The following ING3 variants were observed in gnomAD, a reference collection of about 807,000 sequenced individuals.
ING3 encodes the protein inhibitor of growth family member 3.
A neutral mutation model predicts 64.8 loss-of-function variants in ING3; 6 were observed. The observed-to-expected ratio is 0.09, with a 90% CI of 0.05 to 0.18. The LOEUF is 0.18. Ranked by LOEUF, ING3 falls within the 10% of genes least tolerant of loss-of-function variation. The pLI is 1.00. For synonymous variants in ING3, 170 were observed against 173.7 expected, an observed-to-expected ratio of 0.98 and a Z score of 0.17; for missense variants, 310 against 489.7, an observed-to-expected ratio of 0.63 and a Z score of 3.46.
At position 120,951,149 on chromosome 7, in the gene ING3, CT is replaced by C; in HGVS notation, c.29-14del. 1 of 1,613,896 alleles carries C rather than the reference CT, an allele frequency of 6.2e-7. No homozygotes were observed. The highest frequency in any genetic ancestry group is 8.5e-7 in the Non-Finnish European group (1 of 1,179,824). ...CCGTTGGCCCCGCCCCTCTGACGGACTCTCCCTTTGACAGTGATTGAGCAGC... is the reference window on the plus strand; with the variant it reads ...CCGTTGGCCCCGCCCCTCTGACGGACCTCCCTTTGACAGTGATTGAGCAGC... On this transcript the variant is annotated splice_polypyrimidine_tract_variant and intron_variant, in intron 1 of 11. Transcript: ENST00000315870.
chr7:120,957,384 AAAAG>A (rs1795865593), intron 4 of ING3, among the ~76,000 whole-genome samples: 2 of 152,256 alleles, frequency 1.3e-5, no homozygotes, highest in East Asian at 3.9e-4. Flanking sequence ...AAAAAAAAAA[AAAAG>A]TAATACTAGA....
intron 4 of ING3, among the ~76,000 whole-genome samples, chr7:120,963,544 C>G (rs1795960773): frequency 6.6e-6 from 1 of 152,056 alleles, no homozygotes; most frequent in Admixed American, 6.6e-5. Flanking sequence ...AATTTGGTTT[C>G]TGTAATGCAT....
intron 4 of ING3, among the ~76,000 whole-genome samples, chr7:120,962,667 A>G (rs1323110612): frequency 6.6e-6 from 1 of 152,006 alleles, no homozygotes; most frequent in Admixed American, 6.6e-5. Context: ...ACGCTACATC[A>G]TACTTTGTTT....
intron 4 of ING3, among the ~76,000 whole-genome samples, chr7:120,964,046 T>C (rs1277132307): frequency 6.6e-6 from 1 of 152,126 alleles, no homozygotes; most frequent in Non-Finnish European, 1.5e-5. Flanking sequence ...TAGTTTGAAG[T>C]GTCATATAAT....
At chr7:120,967,429 C>G in intron 6 of ING3, 100 bp from the exon 7 acceptor site, 1 of 795,380 alleles carries the variant, frequency 1.3e-6, no homozygotes, top group Non-Finnish European at 1.9e-6. Flanking sequence ...TATGAGGAAC[C>G]CAGATCATAC....
intron 4 of ING3, among the ~76,000 whole-genome samples, chr7:120,958,393 A>G (rs1281801411): frequency 3.9e-5 from 6 of 152,130 alleles, no homozygotes; most frequent in Non-Finnish European, 8.8e-5. Flanking sequence ...TCAGATTGAA[A>G]AACTGGTACC....
intron 3 of ING3, 52 bp from the exon 4 acceptor site, chr7:120,955,507 G>A: frequency 8.3e-7 from 1 of 1,204,622 alleles, no homozygotes; most frequent in Non-Finnish European, 1.2e-6. Flanking sequence ...TCCTGCATAT[G>A]AATATTTTAA....
chr7:120,951,726 T>G (rs544407893), intron 2 of ING3, among the ~76,000 whole-genome samples: 1 of 152,354 alleles, frequency 6.6e-6, no homozygotes, highest in East Asian at 1.9e-4. Flanking sequence ...TAGTTACACA[T>G]TAGATACATT....
intron 4 of ING3, among the ~76,000 whole-genome samples, chr7:120,958,238 CCTTT>C (rs1795880855): frequency 6.6e-6 from 1 of 151,462 alleles, no homozygotes; most frequent in Non-Finnish European, 1.5e-5. Context: ...TCCTTCCCTG[CCTTT>C]CTTTTTAAAT....
intron 4 of ING3, among the ~76,000 whole-genome samples, chr7:120,959,630 A>ATTTTTTTTTTTTTTTT (rs397889009): frequency 1.8e-5 from 1 of 55,676 alleles, no homozygotes; most frequent in South Asian, 6.4e-4. Flanking sequence ...ACTTCCTCAC[A>ATTTTTTTTTTTTTTTT]TTTTTTTTTT....
At chr7:120,964,862 A>G in intron 5 of ING3, 24 bp downstream of exon 5, 1 of 1,564,462 alleles carries the variant, frequency 6.4e-7, no homozygotes, top group Admixed American at 1.7e-5. Flanking sequence ...ACAGTTTTCC[A>G]TCAATATTGG....
At chr7:120,951,910 C>A (rs994004613) in intron 2 of ING3, among the ~76,000 whole-genome samples, 3 of 152,180 alleles carry the variant, frequency 2.0e-5, no homozygotes, top group Admixed American at 6.5e-5. Context: ...TAACTTTGCT[C>A]TTTCATAGAG....
At chr7:120,956,701 G>C in intron 4 of ING3, 1 of 963,824 alleles carries the variant, frequency 1.0e-6, no homozygotes, top group Non-Finnish European at 1.2e-6. Flanking sequence ...AAAAAAAAAA[G>C]GTCTTAATTG....
chr7:120,972,797 GA>G (rs1796085220), intron 10 of ING3, among the ~76,000 whole-genome samples: 2 of 152,086 alleles, frequency 1.3e-5, no homozygotes, highest in Admixed American at 1.3e-4. Context: ...ACATAAAATA[GA>G]TAAGTTTAGA....
chr7:120,963,785 T>A (rs1795964038), intron 4 of ING3, among the ~76,000 whole-genome samples: 1 of 152,184 alleles, frequency 6.6e-6, no homozygotes, highest in Non-Finnish European at 1.5e-5. Flanking sequence ...ATTATTTAAT[T>A]CTAAACCTTA....
intron 2 of ING3, among the ~76,000 whole-genome samples, chr7:120,951,634 G>A (rs1249336134): frequency 1.3e-5 from 2 of 152,174 alleles, no homozygotes; most frequent in Admixed American, 1.3e-4. Context: ...CCTATTCACA[G>A]TTTTTCAAGA....
intron 10 of ING3, among the ~76,000 whole-genome samples, chr7:120,972,215 C>T (rs191997801): frequency 6.6e-5 from 10 of 151,980 alleles, no homozygotes; most frequent in Non-Finnish European, 1.0e-4. Context: ...TTTGGCTCTT[C>T]TTTCTACAAA....
At chr7:120,956,033 T>TA (rs983590791) in intron 4 of ING3, 1 of 706,644 alleles carries the variant, frequency 1.4e-6, no homozygotes, top group African/African-American at 1.8e-5. Context: ...GTAGTCTGAT[T>TA]AAAATGAAGA....
chr7:120,962,905 T>C (rs569223029), intron 4 of ING3, among the ~76,000 whole-genome samples: 5 of 152,256 alleles, frequency 3.3e-5, no homozygotes, highest in African/African-American at 1.2e-4. Context: ...TATATAAATC[T>C]TGATTTGTCA....
Sources: gnomAD v4.1 joint callset for allele counts (sites outside exome capture counted in the v4.1 genomes callset) on GRCh38, gnomAD v4.1.1 for gene constraint, MANE v1.5 for transcripts, NCBI Gene and HGNC (gene_info 2026-07-23, HGNC 2026-07-21) for gene names.